VIT: variants seen among roughly 807,000 people sequenced by gnomAD.
VIT encodes the protein vitrin.
In VIT, 99 loss-of-function variants were observed where a neutral mutation model predicts 78.0. The ratio of observed to expected loss-of-function variants is 1.27; its 90% CI spans 1.08 to 1.50. VIT has a LOEUF of 1.50. VIT is among the 40% of genes most tolerant of loss of function. The pLI, the probability that VIT is intolerant of heterozygous loss-of-function variation, is 0.00. For missense variants in VIT, 1,126 were observed against 875.3 expected, an observed-to-expected ratio of 1.29 and a Z score of -3.61; for synonymous variants, 374 against 334.3, an observed-to-expected ratio of 1.12 and a Z score of -1.29.
chr2:36,775,888 A>G (rs1670018244), intron 9 of VIT, among the ~76,000 whole-genome samples: 2 of 152,190 alleles, frequency 1.3e-5, no homozygotes, highest in Non-Finnish European at 2.9e-5. Context: ...GCACACCCTG[A>G]GTAAAGGCAG....
chr2:36,786,129 C>G lies in VIT; in HGVS notation c.911-1000C>G, dbSNP rs1665077722. On this transcript the variant is annotated intron_variant, in intron 11 of 15. Transcript: ENST00000379242. The stretch of plus-strand genomic sequence containing the variant: ...AATGGGCAGTGCCCCAGTGTCCTCT[C>G]GGATACACCAGCCTAGAAATTTCCA... Among the ~76,000 whole-genome samples the G allele has an allele frequency of 2.0e-5, 3 of 151,332 alleles. No individual in the cohort carries two copies. The South Asian group carries it at 6.2e-4, about 31-fold the overall frequency.
At position 36,759,042 on chromosome 2, in the gene VIT, A is replaced by C; in HGVS notation, c.483A>C (p.Gln161His). 6.2e-7 allele frequency: 1 copy of C among 1,614,198 alleles called. No homozygotes were observed. Among genetic ancestry groups the C allele is most frequent in the South Asian group, 1.1e-5 (1 of 91,078 alleles). The change falls in exon 6 of 16, where the codon CAA (glutamine) becomes CAC (histidine). Residue 161 changes from glutamine (Q) to histidine (H), a missense_variant. Gln to His is a conservative substitution (Grantham distance 24). Transcript: ENST00000379242. Reference protein sequence around the residue: ...TYSSSKSPAAQAGETTKAYQR... With the variant: ...TYSSSKSPAAHAGETTKAYQR... ...CATCATCGAAAAGTCCAGCTGCCCA[A>C]GCAGGCAAGTGCTCACGTGTGATTG...
At chr2:36,787,713 T>C in intron 12 of VIT, 1 of 381,122 alleles carries the variant, frequency 2.6e-6, no homozygotes. Flanking sequence ...TGCTACAACC[T>C]ATCCACCTAT....
intron 7 of VIT, among the ~76,000 whole-genome samples, chr2:36,770,899 C>T (rs1038844212): frequency 2.6e-5 from 4 of 152,200 alleles, no homozygotes; most frequent in African/African-American, 9.7e-5. Context: ...CGCCTAGTGG[C>T]AGGGAATAGC....
chr2:36,743,980 C>A (rs1667988606), intron 4 of VIT, among the ~76,000 whole-genome samples: 1 of 152,090 alleles, frequency 6.6e-6, no homozygotes, highest in African/African-American at 2.4e-5. Flanking sequence ...TTCTTGTATT[C>A]CCCAGTATCT....
intron 1 of VIT, among the ~76,000 whole-genome samples, chr2:36,708,110 T>TTCCCCCCCCCCC (rs1665552765): frequency 7.3e-6 from 1 of 137,786 alleles, no homozygotes. Flanking sequence ...GTAAAGGACC[T>TTCCCCCCCCCCC]CCCCCCCCCG....
chr2:36,791,018 C>T (rs1300670833), intron 12 of VIT, among the ~76,000 whole-genome samples: 1 of 152,214 alleles, frequency 6.6e-6, no homozygotes, highest in Non-Finnish European at 1.5e-5. Flanking sequence ...ACCTTCACTA[C>T]ACTTTCATTT....
At chr2:36,698,824 A>G (rs993776539) in intron 1 of VIT, among the ~76,000 whole-genome samples, 13 of 152,016 alleles carry the variant, frequency 8.6e-5, no homozygotes, top group South Asian at 2.1e-4. Context: ...GGTGCCTGTA[A>G]TCCCAGCTAC....
rs149693577 is a variant in VIT at position 36,711,072 on chromosome 2, G to C, written c.-18-5281G>C. Among the ~76,000 whole-genome samples, 675 of 152,284 alleles carry C rather than the reference G, an allele frequency of 4.4e-3. 10 individuals are homozygous for C. Among genetic ancestry groups the C allele is most frequent in the African/African-American group, 0.014 (585 of 41,550 alleles). On this transcript the variant is annotated intron_variant, in intron 1 of 15. Coordinates refer to ENST00000379242, the MANE Select transcript of VIT (RefSeq NM_053276.4). ...TCCACATCCTCACCAACACTTGGTAGTACGAGTCTTTTTAATTTTAGTCAT... is the reference window on the plus strand; with the variant it reads ...TCCACATCCTCACCAACACTTGGTACTACGAGTCTTTTTAATTTTAGTCAT...
chr2:36,752,207 A>G (rs1668505079), intron 4 of VIT, among the ~76,000 whole-genome samples: 1 of 152,208 alleles, frequency 6.6e-6, no homozygotes, highest in East Asian at 1.9e-4. Flanking sequence ...GGCTTATCCT[A>G]AACTAACTCC....
intron 10 of VIT, 38 bp downstream of exon 10, chr2:36,781,809 C>G: frequency 6.2e-7 from 1 of 1,611,126 alleles, no homozygotes; most frequent in Non-Finnish European, 8.5e-7. Context: ...ACGCGTGGAT[C>G]AAGATGCGCA....
At chr2:36,773,248 T>C (rs534891677) in intron 7 of VIT, among the ~76,000 whole-genome samples, 1 of 152,320 alleles carries the variant, frequency 6.6e-6, no homozygotes, top group South Asian at 2.1e-4. Context: ...AAAAGATAGA[T>C]ACTTTGATAG....
chr2:36,710,604 A>G (rs1218404630), intron 1 of VIT, among the ~76,000 whole-genome samples: 1 of 88,044 alleles, frequency 1.1e-5, no homozygotes, highest in East Asian at 3.8e-4. Flanking sequence ...CTTTGTTACT[A>G]TAGAGTACAG....
At chr2:36,779,755 T>G (rs1034832619) in intron 9 of VIT, among the ~76,000 whole-genome samples, 2 of 152,226 alleles carry the variant, frequency 1.3e-5, no homozygotes, top group African/African-American at 4.8e-5. Context: ...ACTGTATCTA[T>G]GAGATGACCA....
At chr2:36,780,830 G>A (rs1361443969) in intron 9 of VIT, among the ~76,000 whole-genome samples, 1 of 151,436 alleles carries the variant, frequency 6.6e-6, no homozygotes, top group African/African-American at 2.4e-5. Context: ...TGGAGGGAGG[G>A]AGGGGAGACA....
At chr2:36,759,150 A>T (rs1668957198) in intron 6 of VIT, 104 bp downstream of exon 6, 1 of 1,606,484 alleles carries the variant, frequency 6.2e-7, no homozygotes, top group African/African-American at 1.3e-5. Flanking sequence ...GTCAAGCTCC[A>T]CTGGCTCTGG....
chr2:36,787,368 C>T, intron 12 of VIT, 92 bp downstream of exon 12: 1 of 1,465,878 alleles, frequency 6.8e-7, no homozygotes, highest in Non-Finnish European at 9.2e-7. Context: ...ACAAATATTA[C>T]CAACATGTCC....
At chr2:36,733,931 C>T (rs7572548) in intron 3 of VIT, among the ~76,000 whole-genome samples, 22,015 of 152,234 alleles carry the variant, frequency 0.14, 1,854 homozygotes, top group East Asian at 0.28. Context: ...CAGGATGCTA[C>T]TGAAGAGTTT....
intron 12 of VIT, chr2:36,787,749 G>T: frequency 2.3e-6 from 1 of 438,596 alleles, no homozygotes. Flanking sequence ...AGAACATGGT[G>T]CTTTAGGTTG....
Sources: allele counts gnomAD v4.1 joint callset (sites outside exome capture counted in the v4.1 genomes callset), GRCh38; gene constraint gnomAD v4.1.1; transcripts MANE v1.5; gene names NCBI Gene and HGNC (gene_info 2026-07-23, HGNC 2026-07-21).